The following RNF185 variants were observed in gnomAD, a reference collection of about 807,000 sequenced individuals.
RNF185 encodes E3 ubiquitin-protein ligase RNF185.
Under a neutral mutation model 24.9 loss-of-function variants are expected in RNF185, and 13 were observed. The observed-to-expected ratio is 0.52, with a 90% confidence interval of 0.34 to 0.83. The LOEUF (loss-of-function observed/expected upper bound fraction) is 0.83. RNF185 is among the 40% of genes least tolerant of loss of function. The pLI, the probability that RNF185 is intolerant of heterozygous loss-of-function variation, is 0.01. For synonymous variants in RNF185, 79 were observed against 90.3 expected (o/e 0.88, Z 0.71); for missense variants, 184 against 244.7 (o/e 0.75, Z 1.65).
rs549357987 is a variant in RNF185 at position 31,164,037 on chromosome 22, G to A, written c.-49+3734G>A. 2.0e-4 allele frequency among the ~76,000 whole-genome samples: 30 copies of A among 150,696 alleles called. 1 individual carries two copies. The East Asian group carries it at 2.6e-3, about 13-fold the overall frequency. On this transcript the variant is annotated intron_variant, in intron 1 of 6. Transcript: ENST00000326132. ...ACTCTTGTTGCCCAGGCTGGAATGC[G>A]GTGGGACAGTCTCAGCTCACTGCAA...
At chr22:31,182,438 C>T (rs2048048585) in intron 1 of RNF185, among the ~76,000 whole-genome samples, 1 of 152,106 alleles carries the variant, frequency 6.6e-6, no homozygotes, top group South Asian at 2.1e-4. Flanking sequence ...TAGACATGCA[C>T]CACCACACCC....
chr22:31,191,525 C>T (rs560519386), intron 2 of RNF185, among the ~76,000 whole-genome samples: 13 of 152,176 alleles, frequency 8.5e-5, no homozygotes, highest in African/African-American at 2.4e-4. Flanking sequence ...ACTAAATAAA[C>T]GAGAGAAAGA....
Position 31,160,267 on chromosome 22 carries a change from C to G in RNF185, c.-85C>G, listed in dbSNP as rs1292184139. 2.1e-5 allele frequency: 3 copies of G among 144,354 alleles called. No homozygotes were observed. Among genetic ancestry groups the G allele is most frequent in the African/African-American group, 7.6e-5 (3 of 39,362 alleles). 8.9% of individuals were successfully genotyped at this position (144,354 alleles called of 1,614,324 possible). On this transcript the variant is annotated 5_prime_UTR_variant, in exon 1 of 7. Transcript: ENST00000326132. ...TAGTATTGGCCGTGTACCCGAAAAA[C>G]TGATTGACTGGGCTGGCGTTAACTG...
intron 1 of RNF185, among the ~76,000 whole-genome samples, chr22:31,171,092 A>G (rs988830943): frequency 6.6e-6 from 1 of 152,016 alleles, no homozygotes; most frequent in African/African-American, 2.4e-5. Context: ...TTGTTTTTTA[A>G]TAGTTACATT....
chr22:31,161,739 C>T (rs565345022), intron 1 of RNF185, among the ~76,000 whole-genome samples: 90 of 152,294 alleles, frequency 5.9e-4, no homozygotes, highest in African/African-American at 2.2e-3. Flanking sequence ...ATAATCCCTG[C>T]TTGAATCCTC....
chr22:31,198,704 CTTTTTTTTTTTTTT>C (rs1196076379), intron 5 of RNF185, among the ~76,000 whole-genome samples: 2 of 69,656 alleles, frequency 2.9e-5, no homozygotes, highest in African/African-American at 1.0e-4. Context: ...CTGCCACTTT[CTTTTTTTTTTTTTT>C]TTTTTTTTTT....
At chr22:31,162,994 G>A (rs928739611) in intron 1 of RNF185, among the ~76,000 whole-genome samples, 21 of 151,834 alleles carry the variant, frequency 1.4e-4, no homozygotes, top group Admixed American at 1.4e-3. Flanking sequence ...TTGATCTCCT[G>A]ACCTCGTGAT....
At chr22:31,184,917 G>A (rs1291423452) in intron 1 of RNF185, among the ~76,000 whole-genome samples, 2 of 144,936 alleles carry the variant, frequency 1.4e-5, no homozygotes, top group Admixed American at 6.9e-5. Context: ...AAGGGGAGAC[G>A]AGGACCGTGC....
chr22:31,172,526 A>G (rs1381576250), intron 1 of RNF185, among the ~76,000 whole-genome samples: 1 of 152,164 alleles, frequency 6.6e-6, no homozygotes, highest in Non-Finnish European at 1.5e-5. Context: ...AGGCAGGCGC[A>G]TCACCTGAGG....
At chr22:31,204,342 C>CG in intron 6 of RNF185, 147 bp from the exon 7 acceptor site, 2 of 470,628 alleles carry the variant, frequency 4.2e-6, no homozygotes, top group Non-Finnish European at 7.7e-6. Flanking sequence ...GACTACATTT[C>CG]AAAAAAAAAA....
intron 1 of RNF185, 49 bp from the exon 2 acceptor site, chr22:31,186,998 G>C (rs960646978): frequency 1.0e-5 from 13 of 1,277,938 alleles, no homozygotes; most frequent in East Asian, 2.4e-5. Flanking sequence ...ATGGAAGCTG[G>C]GGGGAGAGGG....
rs560907265 is a variant in RNF185, at chr22:31,186,142, A to G, written c.-48-905A>G. 1.6e-4 allele frequency among the ~76,000 whole-genome samples: 24 copies of G among 152,304 alleles called. No individual in the cohort carries two copies. In the South Asian group the frequency reaches 4.8e-3, roughly 30 times the overall value. On this transcript the variant is annotated intron_variant, in intron 1 of 6. Transcript: ENST00000326132. ...TGACATAAACCTCTTCTTTAAATGTACTGAGGCTAAAAAGTTGATATATTT... is the reference window on the plus strand; with the variant it reads ...TGACATAAACCTCTTCTTTAAATGTGCTGAGGCTAAAAAGTTGATATATTT...
At chr22:31,198,305 T>C (rs1211677056) in intron 5 of RNF185, among the ~76,000 whole-genome samples, 1 of 152,174 alleles carries the variant, frequency 6.6e-6, no homozygotes, top group African/African-American at 2.4e-5. Flanking sequence ...TTTTGGTTCA[T>C]TGTAATTTGG....
intron 1 of RNF185, among the ~76,000 whole-genome samples, chr22:31,175,295 A>C (rs903788500): frequency 3.3e-5 from 5 of 151,756 alleles, no homozygotes; most frequent in African/African-American, 1.2e-4. Context: ...ACAAACAAAC[A>C]AACAAAAAAC....
At chr22:31,201,463 AT>A (rs763134716) in intron 5 of RNF185, 34 bp from the exon 6 acceptor site, 3 of 1,498,488 alleles carry the variant, frequency 2.0e-6, no homozygotes, top group East Asian at 2.3e-5. Flanking sequence ...AACCTGCCTG[AT>A]TCTCCTGCCC....
In RNF185 at chr22:31,189,039, T is replaced by G. The variant is rs1717948101; in HGVS notation, c.176+1769T>G. Among the ~76,000 whole-genome samples, 5 of 146,224 alleles carry G rather than the reference T, an allele frequency of 3.4e-5. No homozygotes were observed. In the Admixed American group the frequency reaches 3.4e-4, roughly 10 times the overall value. On this transcript the variant is annotated intron_variant, in intron 2 of 6. Coordinates refer to ENST00000326132, the MANE Select transcript of RNF185 (RefSeq NM_152267.4). ...TGCTGGGGAGGCTGAGGCAGGAGAA[T>G]GGCGTGAACCCGGGAGGCAGAGCTT...
chr22:31,195,725 A>G (rs1347089745), intron 4 of RNF185, 144 bp downstream of exon 4: 1 of 621,364 alleles, frequency 1.6e-6, no homozygotes, highest in South Asian at 2.0e-5. Context: ...AGAGTCAGCT[A>G]GGAGGGGAGG....
intron 1 of RNF185, among the ~76,000 whole-genome samples, chr22:31,163,869 T>G (rs975051732): frequency 4.6e-5 from 7 of 151,866 alleles, no homozygotes; most frequent in Non-Finnish European, 1.0e-4. Context: ...AGACGGGGTT[T>G]CACCATGTTG....
chr22:31,184,617 C>T (rs904689676), intron 1 of RNF185, among the ~76,000 whole-genome samples: 1 of 152,176 alleles, frequency 6.6e-6, no homozygotes, highest in Admixed American at 6.5e-5. Flanking sequence ...GCACTCCAGC[C>T]TGGGCAACAT....
Sources: allele counts gnomAD v4.1 joint callset (sites outside exome capture counted in the v4.1 genomes callset), GRCh38; gene constraint gnomAD v4.1.1; transcripts MANE v1.5; gene names NCBI Gene and HGNC (gene_info 2026-07-23, HGNC 2026-07-21).